TGFBR1: variants seen among roughly 807,000 people sequenced by gnomAD.
TGFBR1 encodes the protein transforming growth factor beta receptor 1.
In TGFBR1, 20 loss-of-function variants were observed where a neutral mutation model predicts 55.1. The observed-to-expected ratio is 0.36, with a 90% CI of 0.26 to 0.53. The LOEUF (loss-of-function observed/expected upper bound fraction) is 0.53, where lower values mean the gene tolerates loss of function less well. Among genes scored for constraint, TGFBR1 ranks in the 20% least tolerant of loss-of-function variants. The probability of loss-of-function intolerance (pLI) is 0.91; values close to 1 mark genes in which losing one functional copy is unlikely to be tolerated. For synonymous variants in TGFBR1, 220 were observed against 214.8 expected (o/e 1.02, Z -0.21); for missense variants, 385 against 617.6 (o/e 0.62, Z 3.99).
intron 1 of TGFBR1, among the ~76,000 whole-genome samples, chr9:99,125,545 A>G (rs1416075845): frequency 6.6e-6 from 1 of 152,202 alleles, no homozygotes; most frequent in Non-Finnish European, 1.5e-5. Context: ...TTGGCTTTTG[A>G]ATATGCATGC....
intron 1 of TGFBR1, among the ~76,000 whole-genome samples, chr9:99,122,850 TACAAGTCAAA>T (rs1036458658): frequency 1.3e-5 from 2 of 152,128 alleles, no homozygotes; most frequent in Non-Finnish European, 2.9e-5. Context: ...GTGAAGTGAA[TACAAGTCAAA>T]CATCCCAATC....
intron 3 of TGFBR1, among the ~76,000 whole-genome samples, chr9:99,135,852 CT>C (rs397954803): frequency 3.2e-3 from 406 of 125,936 alleles, no homozygotes; most frequent in Middle Eastern, 8.4e-3. Flanking sequence ...AAAATTGTTA[CT>C]TTTTTTTTTT....
intron 4 of TGFBR1, among the ~76,000 whole-genome samples, chr9:99,141,874 T>A (rs1827625440): frequency 6.6e-6 from 1 of 152,220 alleles, no homozygotes. Flanking sequence ...GTTGTTTGAG[T>A]TTAGTCCCAG....
intron 1 of TGFBR1, among the ~76,000 whole-genome samples, chr9:99,122,662 A>G (rs998826646): frequency 1.3e-5 from 2 of 152,072 alleles, no homozygotes; most frequent in African/African-American, 4.8e-5. Context: ...GAAAATTCTG[A>G]TTTATTCTGC....
In TGFBR1 at chr9:99,149,575, T is replaced by C. The variant is rs1827919855; in HGVS notation, c.*270T>C. The C allele has an allele frequency of 2.3e-6, 1 of 438,352 alleles. No homozygotes were observed. Among genetic ancestry groups the C allele is most frequent in the South Asian group, 2.4e-5 (1 of 41,392 alleles). 27.2% of individuals were successfully genotyped at this position (438,352 alleles called of 1,614,324 possible). On this transcript the variant is annotated 3_prime_UTR_variant, in exon 9 of 9. Coordinates refer to ENST00000374994, the MANE Select transcript of TGFBR1 (RefSeq NM_004612.4). ...TTTTTTATTAACAAAACTTGTTTTTTAAAAAGATGATTGCTGGTCTTAACT... is the reference window on the plus strand; with the variant it reads ...TTTTTTATTAACAAAACTTGTTTTTCAAAAAGATGATTGCTGGTCTTAACT...
intron 1 of TGFBR1, among the ~76,000 whole-genome samples, chr9:99,107,384 C>T (rs950319288): frequency 1.3e-5 from 2 of 152,234 alleles, no homozygotes; most frequent in East Asian, 3.8e-4. Context: ...ATAGGTTTCT[C>T]TAGGGAAATT....
In TGFBR1 at chr9:99,129,116, T is replaced by G. The variant is rs202224461; in HGVS notation, c.343+16T>G. 6.2e-7 allele frequency: 1 copy of G among 1,613,126 alleles called. No individual in the cohort carries two copies. Among genetic ancestry groups the G allele is most frequent in the South Asian group, 1.1e-5 (1 of 91,040 alleles). ...CCAACTACTGGTAAGTTGTATAAAA[T>G]TTTTTTCCTAGATACTACAAGAAAA... is the stretch of plus-strand genomic sequence containing the variant. On this transcript the variant is annotated intron_variant, in intron 2 of 8. Transcript: ENST00000374994.
chr9:99,117,025 GTTC>G (rs1379744344), intron 1 of TGFBR1, among the ~76,000 whole-genome samples: 1 of 152,176 alleles, frequency 6.6e-6, no homozygotes, highest in Non-Finnish European at 1.5e-5. Context: ...ATTCAGCTGT[GTTC>G]TTCTAGGAGA....
rs1332528951 is a variant in TGFBR1, at chr9:99,146,526, A to G, written c.1172A>G (p.Lys391Arg). The change falls in exon 7 of 9, where the codon AAA becomes AGA. Residue 391 changes from lysine (K) to arginine (R), a missense_variant. By Grantham distance (26) the Lys-to-Arg change is conservative. Transcript: ENST00000374994. ...PEVLDDSINMKHFESFKRADI... is the reference protein window; with the variant it reads ...PEVLDDSINMRHFESFKRADI... ...GTTCTCGATGATTCCATAAATATGA[A>G]ACATTTTGAATCCTTCAAACGTGCT... 1.9e-6 allele frequency: 3 copies of G among 1,613,870 alleles called. No individual in the cohort carries two copies. Among genetic ancestry groups the G allele is most frequent in the Non-Finnish European group, 2.5e-6 (3 of 1,179,914 alleles).
chr9:99,129,219 A>G, intron 2 of TGFBR1, 119 bp downstream of exon 2: 1 of 1,134,206 alleles, frequency 8.8e-7, no homozygotes, highest in Non-Finnish European at 1.3e-6. Flanking sequence ...TTTAGAGGCA[A>G]GAAGTGACTT....
intron 1 of TGFBR1, among the ~76,000 whole-genome samples, chr9:99,106,908 T>C (rs1399714570): frequency 3.9e-5 from 6 of 152,230 alleles, no homozygotes; most frequent in Non-Finnish European, 8.8e-5. Context: ...TTTTTGACAT[T>C]GGCCTAGGGA....
At chr9:99,142,290 T>A (rs1024951239) in intron 4 of TGFBR1, among the ~76,000 whole-genome samples, 7 of 152,212 alleles carry the variant, frequency 4.6e-5, no homozygotes, top group Non-Finnish European at 1.0e-4. Flanking sequence ...ACCATCTTTG[T>A]CTCTTAAATG....
intron 1 of TGFBR1, among the ~76,000 whole-genome samples, chr9:99,107,355 C>G (rs1199282806): frequency 3.9e-5 from 6 of 152,210 alleles, no homozygotes; most frequent in Admixed American, 3.9e-4. Context: ...ATGTTCTCTG[C>G]CCAACTTCTG....
At chr9:99,104,319 C>T (rs2118143323), upstream of TGFBR1, among the ~76,000 whole-genome samples, 1 of 152,266 alleles carries the variant, frequency 6.6e-6, no homozygotes, top group East Asian at 1.9e-4. Context: ...CCTTTCCAAC[C>T]TGGATCGGGA....
At chr9:99,149,104 T>A in intron 8 of TGFBR1, 76 bp from the exon 9 acceptor site, 2 of 1,475,444 alleles carry the variant, frequency 1.4e-6, no homozygotes, top group Non-Finnish European at 1.8e-6. Flanking sequence ...AAAAGAAAAT[T>A]TACACGTAAA....
Position 99,144,798 on chromosome 9 carries a change from G to C in TGFBR1, c.1040G>C (p.Cys347Ser), listed in dbSNP as rs113786548. 1.2e-5 allele frequency: 20 copies of C among 1,613,986 alleles called. No individual in the cohort carries two copies. The African/African-American group carries it at 2.3e-4, about 18-fold the overall frequency. ...ATCTTGGTAAAGAAGAATGGAACTTGCTGTATTGCAGACTTAGGACTGGCA... is the reference window on the plus strand; with the variant it reads ...ATCTTGGTAAAGAAGAATGGAACTTCCTGTATTGCAGACTTAGGACTGGCA... ...KNILVKKNGT[C>S]CIADLGLAVR... The change falls in exon 6 of 9, where the codon TGC becomes TCC. Residue 347 changes from cysteine (C) to serine (S), a missense_variant. Physicochemically the swap from Cys to Ser is moderately radical, Grantham distance 112. Around this residue, in one of 5 missense-constraint regions of TGFBR1, gnomAD observed 85 missense variants for 228.4 expected, o/e 0.37. Coordinates refer to ENST00000374994, the MANE Select transcript of TGFBR1 (RefSeq NM_004612.4).
At chr9:99,146,111 G>A (rs939437178) in intron 6 of TGFBR1, 2 of 304,968 alleles carry the variant, frequency 6.6e-6, no homozygotes, top group Non-Finnish European at 1.3e-5. Context: ...TTTCCCTGGA[G>A]TATATTCGTG....
chr9:99,116,875 C>G (rs193276287), intron 1 of TGFBR1, among the ~76,000 whole-genome samples: 1 of 152,154 alleles, frequency 6.6e-6, no homozygotes, highest in African/African-American at 2.4e-5. Flanking sequence ...GAAAGGAGTT[C>G]AGTCAACACT....
intron 1 of TGFBR1, among the ~76,000 whole-genome samples, chr9:99,117,761 C>G (rs183621241): frequency 6.6e-6 from 1 of 152,094 alleles, no homozygotes; most frequent in East Asian, 1.9e-4. Flanking sequence ...GTCTTGATAT[C>G]GAGTAGTGTT....
Sources: gnomAD v4.1 joint callset for allele counts (sites outside exome capture counted in the v4.1 genomes callset) on GRCh38, gnomAD v4.1.1 for gene constraint, gnomAD v4.1.1 regional missense constraint, MANE v1.5 for transcripts, NCBI Gene and HGNC (gene_info 2026-07-23, HGNC 2026-07-21) for gene names.